The following BTLA variants were observed in gnomAD, a reference collection of about 807,000 sequenced individuals.
BTLA encodes the protein B- and T-lymphocyte attenuator.
BTLA carries 11 observed loss-of-function variants against 25.0 expected under a neutral mutation model. The ratio of observed to expected loss-of-function variants is 0.44; its 90% CI spans 0.28 to 0.73. The LOEUF (loss-of-function observed/expected upper bound fraction) is 0.73, where lower values mean the gene tolerates loss of function less well. Among genes scored for constraint, BTLA ranks in the 30% least tolerant of loss-of-function variants. The pLI, the probability that BTLA is intolerant of heterozygous loss-of-function variation, is 0.15. For synonymous variants in BTLA, 104 were observed against 119.8 expected (o/e 0.87, Z 0.86); for missense variants, 282 against 332.8 (o/e 0.85, Z 1.19).
At chr3:112,487,585 C>CAA (rs112489701) in intron 1 of BTLA, among the ~76,000 whole-genome samples, 27 of 137,078 alleles carry the variant, frequency 2.0e-4, no homozygotes, top group African/African-American at 5.2e-4. Flanking sequence ...AAATCTGTGT[C>CAA]AAAAAAAAAA....
chr3:112,467,662 G>C (rs1205088031), intron 4 of BTLA, among the ~76,000 whole-genome samples: 4 of 152,204 alleles, frequency 2.6e-5, no homozygotes, highest in African/African-American at 9.6e-5. Context: ...AGCTATGTAA[G>C]AATTCCTGAT....
At chr3:112,494,095 G>A (rs2082395022) in intron 1 of BTLA, among the ~76,000 whole-genome samples, 1 of 151,978 alleles carries the variant, frequency 6.6e-6, no homozygotes, top group African/African-American at 2.4e-5. Context: ...GGGCGACAGA[G>A]CGACACTCTA....
intron 1 of BTLA, among the ~76,000 whole-genome samples, chr3:112,485,435 C>T (rs2082341208): frequency 1.3e-5 from 2 of 152,306 alleles, no homozygotes; most frequent in South Asian, 4.1e-4. Context: ...TCTTATGATA[C>T]TTAGGACACA....
intron 2 of BTLA, among the ~76,000 whole-genome samples, chr3:112,474,337 A>T (rs1300656931): frequency 1.3e-5 from 2 of 152,170 alleles, no homozygotes; most frequent in Non-Finnish European, 2.9e-5. Context: ...GAGCACTTTC[A>T]GGTTCAGAAG....
At chr3:112,486,778 C>T (rs2082350022) in intron 1 of BTLA, among the ~76,000 whole-genome samples, 1 of 152,030 alleles carries the variant, frequency 6.6e-6, no homozygotes, top group Non-Finnish European at 1.5e-5. Flanking sequence ...AGTTGCCAAG[C>T]CGAAGATTTT....
At position 112,469,820 on chromosome 3, in the gene BTLA, A is replaced by T. The variant is rs1421089837; in HGVS notation, c.548-16T>A. ...TTTTGCTTTCCTGGAAGACAAAAAG[A>T]AAAAGAAGTAATCAAAAGGAGTAAA... is the stretch of plus-strand genomic sequence containing the variant. On this transcript the variant is annotated splice_polypyrimidine_tract_variant and intron_variant, in intron 3 of 4. Transcript: ENST00000334529. 3 of 1,602,430 alleles carry T rather than the reference A, an allele frequency of 1.9e-6. No individual in the cohort carries two copies. The African/African-American group carries it at 4.0e-5, about 21-fold the overall frequency.
rs2082217616 is a variant in BTLA, at chr3:112,464,970, A to G, written c.*1138T>C. On this transcript the variant is annotated 3_prime_UTR_variant, in exon 5 of 5. Transcript: ENST00000334529. ...GAATAGCCTCAAACTGTTGAATAAA[A>G]TTATAGGCTATTTTTGAAATAGTTT... 1 of 152,254 alleles carries G rather than the reference A, an allele frequency of 6.6e-6. No individual in the cohort carries two copies. The highest frequency in any genetic ancestry group is 1.5e-5 in the Non-Finnish European group (1 of 68,046). The allele number at this position is 152,254 out of a possible 1,614,324, so 9.4% of individuals were successfully genotyped here.
intron 2 of BTLA, among the ~76,000 whole-genome samples, chr3:112,472,706 A>AT (rs1211268818): frequency 1.3e-5 from 2 of 152,082 alleles, no homozygotes; most frequent in African/African-American, 2.4e-5. Context: ...CAAAAAAAAA[A>AT]TTCTATTAAT....
At chr3:112,474,881 G>C (rs1229385528) in intron 2 of BTLA, among the ~76,000 whole-genome samples, 1 of 152,192 alleles carries the variant, frequency 6.6e-6, no homozygotes, top group Non-Finnish European at 1.5e-5. Flanking sequence ...AAACAATCTA[G>C]AAAGGTGGTG....
chr3:112,468,154 G>A (rs973300579), intron 4 of BTLA, among the ~76,000 whole-genome samples: 2 of 152,154 alleles, frequency 1.3e-5, no homozygotes, highest in African/African-American at 4.8e-5. Context: ...TTTAAAATTT[G>A]TATTTATAGT....
intron 1 of BTLA, among the ~76,000 whole-genome samples, chr3:112,495,353 T>A (rs552620606): frequency 4.3e-4 from 65 of 152,338 alleles, no homozygotes; most frequent in African/African-American, 1.5e-3. Flanking sequence ...CTTTTAACAA[T>A]TCTGAACTCT....
chr3:112,499,268 T>C lies in BTLA; in HGVS notation c.88+3A>G. The C allele has an allele frequency of 1.3e-6, 2 of 1,591,502 alleles. No homozygotes were observed. The highest frequency in any genetic ancestry group is 1.7e-6 in the Non-Finnish European group (2 of 1,159,626). On this transcript the variant is annotated splice_donor_region_variant and intron_variant, in intron 1 of 4. Coordinates refer to ENST00000334529, the MANE Select transcript of BTLA (RefSeq NM_181780.4). ...CCAGAAATAACCTAAGCAGGTGCCT[T>C]ACCATGGATGTTCCAGATGTCCAGA...
Position 112,464,192 on chromosome 3 carries a change from T to C in BTLA, c.*1916A>G, listed in dbSNP as rs962019573. 41 of 397,854 alleles carry C rather than the reference T, an allele frequency of 1.0e-4. No individual in the cohort carries two copies. The highest frequency in any genetic ancestry group is 7.4e-4 in the African/African-American group (36 of 48,606). 24.6% of individuals were successfully genotyped at this position (397,854 alleles called of 1,614,324 possible). A position where few individuals can be genotyped will look rare whatever the true frequency, so the allele number is the denominator to read the frequency against. On this transcript the variant is annotated 3_prime_UTR_variant, in exon 5 of 5. Coordinates refer to ENST00000334529, the MANE Select transcript of BTLA (RefSeq NM_181780.4). Reference sequence around the variant, plus strand: ...ATAAAAACATAAATGATTTGTGATTTTGGCAAACAGTACAAATATATTAAT... The same window carrying C: ...ATAAAAACATAAATGATTTGTGATTCTGGCAAACAGTACAAATATATTAAT...
rs1324784969 is a variant in BTLA, at chr3:112,471,273, C to A, written c.486G>T (p.Gly162=). The A allele has an allele frequency of 6.2e-7, 1 of 1,614,074 alleles. No individual in the cohort carries two copies. The highest frequency in any genetic ancestry group is 8.5e-7 in the Non-Finnish European group (1 of 1,179,976). ...AGGTAGTGATGAGTAGAGGCAATCC[C>A]CCCAAAGGAAGTAAACGATACAGGA... ...PWLLYRLLPL[G]GLPLLITTCF... is the part of the protein sequence containing the mutation. The change falls in exon 3 of 5, where the codon GGG becomes GGT. Residue 162 remains glycine (G), a synonymous_variant. Transcript: ENST00000334529.
intron 1 of BTLA, 50 bp downstream of exon 1, chr3:112,499,221 C>T: frequency 7.4e-7 from 1 of 1,349,672 alleles, no homozygotes; most frequent in Non-Finnish European, 1.1e-6. Context: ...ATGTTGCCTC[C>T]AAGACCCCCT....
In BTLA at chr3:112,493,392, A is replaced by G. The variant is rs572387620; in HGVS notation, c.88+5879T>C. Among the ~76,000 whole-genome samples the G allele has an allele frequency of 1.2e-3, 181 of 152,360 alleles. 3 individuals carry two copies. Among genetic ancestry groups the G allele is most frequent in the African/African-American group, 4.1e-3 (171 of 41,590 alleles). On this transcript the variant is annotated intron_variant, in intron 1 of 4. Coordinates refer to ENST00000334529, the MANE Select transcript of BTLA (RefSeq NM_181780.4). Reference sequence around the variant, plus strand: ...TACAGAATGGGAGAAAATTTTTGCAATCTACCCATCTGAAAAAGGCCTAAT... The same window carrying G: ...TACAGAATGGGAGAAAATTTTTGCAGTCTACCCATCTGAAAAAGGCCTAAT...
intron 1 of BTLA, among the ~76,000 whole-genome samples, chr3:112,490,488 T>C (rs138674947): frequency 6.6e-6 from 1 of 152,084 alleles, no homozygotes; most frequent in Non-Finnish European, 1.5e-5. Flanking sequence ...ATACAGATCA[T>C]AGACAATACA....
intron 1 of BTLA, among the ~76,000 whole-genome samples, chr3:112,484,424 T>C (rs759271105): frequency 1.3e-5 from 2 of 152,150 alleles, no homozygotes. Context: ...AATTTGATAG[T>C]CCCCCAGTTT....
Position 112,465,530 on chromosome 3 carries a change from TATTCTATATTTTTATTGCACC to T in BTLA, c.*557_*577del, listed in dbSNP as rs2082220617. ...ACATCTACCCTATATCCAATTGGTA[TATTCTATATTTTTATTGCACC>T]ATTTATTATTTTCATTTTCTTACAT... On this transcript the variant is annotated 3_prime_UTR_variant, in exon 5 of 5. Coordinates refer to ENST00000334529, the MANE Select transcript of BTLA (RefSeq NM_181780.4). 6.6e-6 allele frequency: 1 copy of T among 152,668 alleles called. No homozygotes were observed. The highest frequency in any genetic ancestry group is 2.4e-5 in the African/African-American group (1 of 41,468). The allele number at this position is 152,668 out of a possible 1,614,324, so 9.5% of individuals were successfully genotyped here. A position where few individuals can be genotyped will look rare whatever the true frequency, so the allele number is the denominator to read the frequency against.
Sources: allele counts gnomAD v4.1 joint callset (sites outside exome capture counted in the v4.1 genomes callset), GRCh38; gene constraint gnomAD v4.1.1; transcripts MANE v1.5; gene names NCBI Gene and HGNC (gene_info 2026-07-23, HGNC 2026-07-21).